TNFRSF13C: variants seen among roughly 807,000 people sequenced by gnomAD.
TNFRSF13C encodes tumor necrosis factor receptor superfamily member 13C.
In TNFRSF13C, 7 loss-of-function variants were observed where a neutral mutation model predicts 12.1. The ratio of observed to expected loss-of-function variants is 0.58; its 90% CI spans 0.33 to 1.08. The LOEUF (loss-of-function observed/expected upper bound fraction) is 1.08, where lower values mean the gene tolerates loss of function less well. Among genes scored for constraint, TNFRSF13C ranks in the 50% least tolerant of loss-of-function variants. TNFRSF13C has a pLI of 0.04. For synonymous variants in TNFRSF13C, 157 were observed against 130.8 expected (o/e 1.20, Z -1.37); for missense variants, 260 against 265.9 (o/e 0.98, Z 0.15).
rs534632878 is a variant in TNFRSF13C at position 41,926,052 on chromosome 22, C to G, written c.367+49G>C. Reference sequence around the variant, plus strand: ...TCTCCCCCTAGACCGTCCCGACACCCCAGCCCCTGCGCCCCGCTCAGACTG... The same window carrying G: ...TCTCCCCCTAGACCGTCCCGACACCGCAGCCCCTGCGCCCCGCTCAGACTG... On this transcript the variant is annotated intron_variant, in intron 2 of 2. Transcript: ENST00000291232. The surrounding 1 kb of genome is among the most constrained non-coding windows in gnomAD (Gnocchi z 4.9). 2.4e-4 allele frequency: 386 copies of G among 1,608,994 alleles called. 5 individuals carry two copies. In the South Asian group the frequency reaches 4.0e-3, roughly 17 times the overall value.
rs2077623484 is a variant in TNFRSF13C at position 41,925,320 on chromosome 22, C to T, written c.*47G>A. ...CTGAATTTGATTTCCAAGCCCCTGG[C>T]TGGGGGTCCAGAGGGAGGGCAGGGG... On this transcript the variant is annotated 3_prime_UTR_variant, in exon 3 of 3. Coordinates refer to ENST00000291232, the MANE Select transcript of TNFRSF13C (RefSeq NM_052945.4). 2 of 1,555,228 alleles carry T rather than the reference C, an allele frequency of 1.3e-6. No individual in the cohort carries two copies. The highest frequency in any genetic ancestry group is 4.6e-5 in the East Asian group (2 of 43,620).
In TNFRSF13C at chr22:41,926,476, G is replaced by A. The variant is rs1052679218; in HGVS notation, c.137-145C>T. 2 of 1,124,352 alleles carry A rather than the reference G, an allele frequency of 1.8e-6. No homozygotes were observed. The highest frequency in any genetic ancestry group is 3.3e-5 in the African/African-American group (2 of 60,600). 69.6% of individuals were successfully genotyped at this position (1,124,352 alleles called of 1,614,324 possible). ...GGACAAGGGGAGGGAGAGAGGCGGC[G>A]GTGAGGGCCACGCGGTGATCGCGGG... On this transcript the variant is annotated intron_variant, in intron 1 of 2. Transcript: ENST00000291232. The surrounding 1 kb of genome is among the most constrained non-coding windows in gnomAD (Gnocchi z 4.9).
rs541132930 is a variant in TNFRSF13C, at chr22:41,925,084, G to A, written c.*283C>T. On this transcript the variant is annotated 3_prime_UTR_variant, in exon 3 of 3. Transcript: ENST00000291232. ...ATGGTGCCTTCCCCATTTTAAAAGCGGTCTTTTACTCATAGTGCCCCAGCC... is the reference window on the plus strand; with the variant it reads ...ATGGTGCCTTCCCCATTTTAAAAGCAGTCTTTTACTCATAGTGCCCCAGCC... 28 of 313,978 alleles carry A rather than the reference G, an allele frequency of 8.9e-5. No individual in the cohort carries two copies. Among genetic ancestry groups the A allele is most frequent in the Middle Eastern group, 8.8e-4 (1 of 1,142 alleles). The allele number at this position is 313,978 out of a possible 1,614,324, so 19.4% of individuals were successfully genotyped here. A position where few individuals can be genotyped will look rare whatever the true frequency, so the allele number is the denominator to read the frequency against.
rs529563231 is a variant in TNFRSF13C at position 41,926,276 on chromosome 22, G to A, written c.192C>T (p.Gly64=). The stretch of plus-strand genomic sequence containing the variant: ...GCAGCGCCGCCTCGCCGGCCCCCGC[G>A]CCCACCGACTCCTGCGGCTGCAGCG... The part of the protein sequence containing the change: ...RTALQPQESV[G]AGAGEAALPL... The change falls in exon 2 of 3, where the codon GGC becomes GGT. Residue 64 remains glycine, a synonymous_variant. Coordinates refer to ENST00000291232, the MANE Select transcript of TNFRSF13C (RefSeq NM_052945.4). The surrounding 1 kb of genome is among the most constrained non-coding windows in gnomAD (Gnocchi z 4.9). 15,401 of 1,489,096 alleles carry A rather than the reference G, an allele frequency of 0.01. 125 individuals are homozygous for A. Among genetic ancestry groups the A allele is most frequent in the Middle Eastern group, 0.02 (93 of 4,554 alleles). 92.2% of individuals were successfully genotyped at this position (1,489,096 alleles called of 1,614,324 possible).
chr22:41,926,192 C>A lies in TNFRSF13C; in HGVS notation c.276G>T (p.Ala92=), dbSNP rs752794297. 8 of 1,608,992 alleles carry A rather than the reference C, an allele frequency of 5.0e-6. No homozygotes were observed. The highest frequency in any genetic ancestry group is 2.5e-6 in the Non-Finnish European group (3 of 1,179,278). The change falls in exon 2 of 3, where the codon GCG becomes GCT. Residue 92 remains alanine (A), a synonymous_variant. Transcript: ENST00000291232. The surrounding 1 kb of genome is among the most constrained non-coding windows in gnomAD (Gnocchi z 4.9). Reference sequence around the variant, plus strand: ...AGCTCACCAGACCCACCAGGACCAGCGCCAGGACCAGTGCCAGGCCCAGCA... The same window carrying A: ...AGCTCACCAGACCCACCAGGACCAGAGCCAGGACCAGTGCCAGGCCCAGCA... ...PALLGLALVL[A]LVLVGLVSWR...
In TNFRSF13C at chr22:41,926,637, C is replaced by A; in HGVS notation, c.136+1G>T. The A allele has an allele frequency of 4.8e-6, 7 of 1,459,038 alleles. No individual in the cohort carries two copies. Among genetic ancestry groups the A allele is most frequent in the Non-Finnish European group, 6.3e-6 (7 of 1,110,754 alleles). 90.4% of individuals were successfully genotyped at this position (1,459,038 alleles called of 1,614,324 possible). On this transcript the variant is annotated splice_donor_variant, in intron 1 of 2. Coordinates refer to ENST00000291232, the MANE Select transcript of TNFRSF13C (RefSeq NM_052945.4). LOFTEE classifies it high-confidence loss of function. This position sits in a 1 kb window ranked among gnomAD's most constrained non-coding sequence, Gnocchi z 4.9. Reference sequence around the variant, plus strand: ...CCGCGCGCCCCGTGGGTCCCCCTTACCCGGTTTCGGCCGCGGCGTGCGCAG... The same window carrying A: ...CCGCGCGCCCCGTGGGTCCCCCTTAACCGGTTTCGGCCGCGGCGTGCGCAG...
At position 41,925,354 on chromosome 22, in the gene TNFRSF13C, T is replaced by G; in HGVS notation, c.*13A>C. ...CAGAGGGAGGGCAGGGGCCACCTCC[T>G]GCCGGCTCCCTGCTATTGTTGCTCA... On this transcript the variant is annotated 3_prime_UTR_variant, in exon 3 of 3. Coordinates refer to ENST00000291232, the MANE Select transcript of TNFRSF13C (RefSeq NM_052945.4). The G allele has an allele frequency of 6.3e-7, 1 of 1,594,270 alleles. No homozygotes were observed. Among genetic ancestry groups the G allele is most frequent in the African/African-American group, 1.3e-5 (1 of 74,670 alleles).
In TNFRSF13C at chr22:41,926,291, C is replaced by A. The variant is rs1019575191; in HGVS notation, c.177G>T (p.Pro59=). 3.1e-5 allele frequency: 46 copies of A among 1,481,524 alleles called. No homozygotes were observed. In the African/African-American group the frequency reaches 6.6e-4, roughly 21 times the overall value. The allele number at this position is 1,481,524 out of a possible 1,614,324, so 91.8% of individuals were successfully genotyped here. A position where few individuals can be genotyped will look rare whatever the true frequency, so the allele number is the denominator to read the frequency against. ...SSPAPRTALQ[P]QESVGAGAGE... ...CGGCCCCCGCGCCCACCGACTCCTG[C>A]GGCTGCAGCGCCGTCCTGGGCGCAG... is the stretch of plus-strand genomic sequence containing the variant. The change falls in exon 2 of 3, where the codon CCG becomes CCT. Residue 59 remains proline, a synonymous_variant. Transcript: ENST00000291232. This position sits in a 1 kb window ranked among gnomAD's most constrained non-coding sequence, Gnocchi z 4.9.
In TNFRSF13C at chr22:41,925,272, C is replaced by T. The variant is rs1182771703; in HGVS notation, c.*95G>A. 3.9e-6 allele frequency: 5 copies of T among 1,284,210 alleles called. No individual in the cohort carries two copies. The Admixed American group carries it at 1.2e-4, about 31-fold the overall frequency. 79.6% of individuals were successfully genotyped at this position (1,284,210 alleles called of 1,614,324 possible). A position where few individuals can be genotyped will look rare whatever the true frequency, so the allele number is the denominator to read the frequency against. ...AGTTAGCCTGGTCCCAGAAAGAGGG[C>T]ATGTGCATGCTGGAGTGAAGAGCTG... On this transcript the variant is annotated 3_prime_UTR_variant, in exon 3 of 3. Coordinates refer to ENST00000291232, the MANE Select transcript of TNFRSF13C (RefSeq NM_052945.4).
rs2146586327 is a variant in TNFRSF13C, at chr22:41,922,959, G to A, written c.*2408C>T. The A allele has an allele frequency of 6.6e-6, 1 of 152,572 alleles. No individual in the cohort carries two copies. Among genetic ancestry groups the A allele is most frequent in the Non-Finnish European group, 1.5e-5 (1 of 68,206 alleles). The allele number at this position is 152,572 out of a possible 1,614,324, so 9.5% of individuals were successfully genotyped here. A position where few individuals can be genotyped will look rare whatever the true frequency, so the allele number is the denominator to read the frequency against. Reference sequence around the variant, plus strand: ...CCACCAAACCTCTCCCACACCTACTGCTTGTCACTTGACCTCACCCTGTCA... The same window carrying A: ...CCACCAAACCTCTCCCACACCTACTACTTGTCACTTGACCTCACCCTGTCA... On this transcript the variant is annotated 3_prime_UTR_variant, in exon 3 of 3. Transcript: ENST00000291232.
Position 41,926,696 on chromosome 22 carries a change from G to A in TNFRSF13C, c.78C>T (p.Asp26=). The change falls in exon 1 of 3, where the codon GAC becomes GAT. Residue 26 remains aspartate (D), a synonymous_variant. Transcript: ENST00000291232. This position sits in a 1 kb window ranked among gnomAD's most constrained non-coding sequence, Gnocchi z 4.9. ...AGGCCACGCAGTGGCGGACCAGCAG[G>A]TCGAAGCACTCGGCCGGGACGCAGG... The part of the protein sequence containing the change: ...PTPCVPAECF[D]LLVRHCVACG... 6.9e-7 allele frequency: 1 copy of A among 1,459,694 alleles called. No individual in the cohort carries two copies. The highest frequency in any genetic ancestry group is 9.0e-7 in the Non-Finnish European group (1 of 1,110,514). The allele number at this position is 1,459,694 out of a possible 1,614,324, so 90.4% of individuals were successfully genotyped here.
rs1435540608 is a variant in TNFRSF13C, at chr22:41,926,256, G to A, written c.212C>T (p.Ala71Val). ...ESVGAGAGEA[A>V]LPLPGLLFGA... ...AAAGAGCAGCCCGGGCAGGGGCAGC[G>A]CCGCCTCGCCGGCCCCCGCGCCCAC... Residue 71 changes from alanine to valine, a missense_variant, in exon 2 of 3, where the codon GCG becomes GTG. By Grantham distance (64) the Ala-to-Val change is moderately conservative. Coordinates refer to ENST00000291232, the MANE Select transcript of TNFRSF13C (RefSeq NM_052945.4). The surrounding 1 kb of genome is among the most constrained non-coding windows in gnomAD (Gnocchi z 4.9). 4.0e-6 allele frequency: 6 copies of A among 1,504,524 alleles called. No homozygotes were observed. The highest frequency in any genetic ancestry group is 5.3e-6 in the Non-Finnish European group (6 of 1,133,924). 93.2% of individuals were successfully genotyped at this position (1,504,524 alleles called of 1,614,324 possible).
chr22:41,926,518 C>T lies in TNFRSF13C; in HGVS notation c.136+120G>A. The T allele has an allele frequency of 8.0e-7, 1 of 1,254,416 alleles. No homozygotes were observed. The highest frequency in any genetic ancestry group is 1.0e-6 in the Non-Finnish European group (1 of 979,728). The allele number at this position is 1,254,416 out of a possible 1,614,324, so 77.7% of individuals were successfully genotyped here. On this transcript the variant is annotated intron_variant, in intron 1 of 2. Coordinates refer to ENST00000291232, the MANE Select transcript of TNFRSF13C (RefSeq NM_052945.4). This position sits in a 1 kb window ranked among gnomAD's most constrained non-coding sequence, Gnocchi z 4.9. Reference sequence around the variant, plus strand: ...GATCGCGGGCCCCTCCAGGCCCTGCCCACAGGGTCCTTTCAGCCCTCGGCG... The same window carrying T: ...GATCGCGGGCCCCTCCAGGCCCTGCTCACAGGGTCCTTTCAGCCCTCGGCG...
Position 41,925,246 on chromosome 22 carries a change from G to A in TNFRSF13C, c.*121C>T, listed in dbSNP as rs1254220118. The A allele has an allele frequency of 9.1e-7, 1 of 1,102,434 alleles. No individual in the cohort carries two copies. The highest frequency in any genetic ancestry group is 1.6e-5 in the African/African-American group (1 of 63,380). The allele number at this position is 1,102,434 out of a possible 1,614,324, so 68.3% of individuals were successfully genotyped here. ...GGTCTGTAGTGTCTGTGCTTCTGCA[G>A]AGTTAGCCTGGTCCCAGAAAGAGGG... On this transcript the variant is annotated 3_prime_UTR_variant, in exon 3 of 3. Transcript: ENST00000291232.
At position 41,926,638 on chromosome 22, in the gene TNFRSF13C, C is replaced by A; in HGVS notation, c.136G>T (p.Ala46Ser). The change falls in exon 1 of 3, where the codon GCC becomes TCC. Residue 46 changes from alanine to serine, a missense_variant and splice_region_variant. Coordinates refer to ENST00000291232, the MANE Select transcript of TNFRSF13C (RefSeq NM_052945.4). The surrounding 1 kb of genome is among the most constrained non-coding windows in gnomAD (Gnocchi z 4.9). Reference sequence around the variant, plus strand: ...CGCGCGCCCCGTGGGTCCCCCTTACCCGGTTTCGGCCGCGGCGTGCGCAGG... The same window carrying A: ...CGCGCGCCCCGTGGGTCCCCCTTACACGGTTTCGGCCGCGGCGTGCGCAGG... Reference protein sequence around the residue: ...GLLRTPRPKPAGASSPAPRTA... With the variant: ...GLLRTPRPKPSGASSPAPRTA... 2.1e-6 allele frequency: 3 copies of A among 1,458,996 alleles called. No homozygotes were observed. The highest frequency in any genetic ancestry group is 2.7e-6 in the Non-Finnish European group (3 of 1,110,662). 90.4% of individuals were successfully genotyped at this position (1,458,996 alleles called of 1,614,324 possible).
In TNFRSF13C at chr22:41,922,979, C is replaced by G. The variant is rs1301016397; in HGVS notation, c.*2388G>C. The G allele has an allele frequency of 1.3e-5, 2 of 152,430 alleles. No individual in the cohort carries two copies. The highest frequency in any genetic ancestry group is 2.9e-5 in the Non-Finnish European group (2 of 68,192). 9.4% of individuals were successfully genotyped at this position (152,430 alleles called of 1,614,324 possible). A position where few individuals can be genotyped will look rare whatever the true frequency, so the allele number is the denominator to read the frequency against. On this transcript the variant is annotated 3_prime_UTR_variant, in exon 3 of 3. Coordinates refer to ENST00000291232, the MANE Select transcript of TNFRSF13C (RefSeq NM_052945.4). ...CTACTGCTTGTCACTTGACCTCACC[C>G]TGTCACCTGGCTCCCTGGGGGCAGG...
In TNFRSF13C at chr22:41,925,228, A is replaced by T; in HGVS notation, c.*139T>A. 1.1e-6 allele frequency: 1 copy of T among 920,976 alleles called. No homozygotes were observed. Among genetic ancestry groups the T allele is most frequent in the Non-Finnish European group, 1.6e-6 (1 of 626,058 alleles). 57.1% of individuals were successfully genotyped at this position (920,976 alleles called of 1,614,324 possible). A position where few individuals can be genotyped will look rare whatever the true frequency, so the allele number is the denominator to read the frequency against. On this transcript the variant is annotated 3_prime_UTR_variant, in exon 3 of 3. Coordinates refer to ENST00000291232, the MANE Select transcript of TNFRSF13C (RefSeq NM_052945.4). Reference sequence around the variant, plus strand: ...ATGGGGGCTGAATGCTGTGGTCTGTAGTGTCTGTGCTTCTGCAGAGTTAGC... The same window carrying T: ...ATGGGGGCTGAATGCTGTGGTCTGTTGTGTCTGTGCTTCTGCAGAGTTAGC...
At position 41,925,288 on chromosome 22, in the gene TNFRSF13C, T is replaced by G; in HGVS notation, c.*79A>C. ...GAAAGAGGGCATGTGCATGCTGGAG[T>G]GAAGAGCTGAATTTGATTTCCAAGC... On this transcript the variant is annotated 3_prime_UTR_variant, in exon 3 of 3. Coordinates refer to ENST00000291232, the MANE Select transcript of TNFRSF13C (RefSeq NM_052945.4). 1 of 1,430,012 alleles carries G rather than the reference T, an allele frequency of 7.0e-7. No homozygotes were observed. The highest frequency in any genetic ancestry group is 2.2e-5 in the Admixed American group (1 of 44,938). The allele number at this position is 1,430,012 out of a possible 1,614,324, so 88.6% of individuals were successfully genotyped here. A position where few individuals can be genotyped will look rare whatever the true frequency, so the allele number is the denominator to read the frequency against.
chr22:41,925,570 G>T lies in TNFRSF13C; in HGVS notation c.368-16C>A, dbSNP rs780319539. The T allele has an allele frequency of 6.2e-7, 1 of 1,611,070 alleles. No individual in the cohort carries two copies. The highest frequency in any genetic ancestry group is 1.1e-5 in the South Asian group (1 of 91,056). On this transcript the variant is annotated splice_polypyrimidine_tract_variant and intron_variant, in intron 2 of 2. Transcript: ENST00000291232. ...GGCTCTGGGGCTGCAGGCAGAGGGG[G>T]TAGAGGCTCCGTACTCAGTCACAGC...
Sources: allele counts gnomAD v4.1 joint callset, GRCh38; gene constraint gnomAD v4.1.1; non-coding constraint Gnocchi (gnomAD v3.1); transcripts MANE v1.5; gene names NCBI Gene and HGNC (gene_info 2026-07-23, HGNC 2026-07-21).